Variants in DNAH17 observed in about 807,000 individuals in gnomAD.
The protein encoded by DNAH17 is dynein axonemal heavy chain 17, also known as axonemal beta dynein heavy chain 17.
Under a neutral mutation model 485.6 loss-of-function variants are expected in DNAH17, and 376 were observed. The ratio of observed to expected loss-of-function variants is 0.77; its 90% CI spans 0.71 to 0.84. The LOEUF (loss-of-function observed/expected upper bound fraction) is 0.84, where lower values mean the gene tolerates loss of function less well. Ranked by LOEUF, DNAH17 falls within the 40% of genes least tolerant of loss-of-function variation. The pLI is 0.00. For missense variants in DNAH17, 6,370 were observed against 5,839.3 expected (o/e 1.09, Z -2.96); for synonymous variants, 3,031 against 2,405.9 (o/e 1.26, Z -7.60).
At position 78,462,985 on chromosome 17, in the gene DNAH17, G is replaced by A; in HGVS notation, c.9033C>T (p.Arg3011=). The A allele has an allele frequency of 6.2e-7, 1 of 1,613,994 alleles. No homozygotes were observed. Among genetic ancestry groups the A allele is most frequent in the Non-Finnish European group, 8.5e-7 (1 of 1,179,884 alleles). The change falls in exon 57 of 81, where the codon CGC becomes CGT. Residue 3011 remains arginine, a synonymous_variant. Coordinates refer to ENST00000389840, the MANE Select transcript of DNAH17 (RefSeq NM_173628.4). ...AGGTTTTGGGTGTGGTGTAGTTGTAGCGCCTCTCAGTAGCCAGGTATACCC... is the reference window on the plus strand; with the variant it reads ...AGGTTTTGGGTGTGGTGTAGTTGTAACGCCTCTCAGTAGCCAGGTATACCC... ...MSRVYLATER[R]YNYTTPKTFL...
At chr17:78,548,188 G>A (rs970657973) in intron 16 of DNAH17, among the ~76,000 whole-genome samples, 6 of 139,488 alleles carry the variant, frequency 4.3e-5, no homozygotes, top group Non-Finnish European at 4.6e-5. Context: ...TTGTTATTTC[G>A]TAGATGTCAT....
chr17:78,543,287 G>GTATTTTTTTTTTTTTTTTTTTTTTTTTT lies in DNAH17; in HGVS notation c.2532+569_2532+570insAAAAAAAAAAAAAAAAAAAAAAAAAATA, dbSNP rs1200669389. 1.2e-4 allele frequency among the ~76,000 whole-genome samples: 17 copies of GTATTTTTTTTTTTTTTTTTTTTTTTTTT among 139,272 alleles called. 1 individual carries two copies. Among genetic ancestry groups the GTATTTTTTTTTTTTTTTTTTTTTTTTTT allele is most frequent in the African/African-American group, 4.4e-4 (16 of 36,718 alleles). 91.4% of individuals were successfully genotyped at this position (139,272 alleles called of 152,430 possible). A position where few individuals can be genotyped will look rare whatever the true frequency, so the allele number is the denominator to read the frequency against. The stretch of plus-strand genomic sequence containing the variant: ...GTGCCAACGTGCCCGGTTAATTTTT[G>GTATTTTTTTTTTTTTTTTTTTTTTTTTT]TTTTTTTTTTTTTTGAGACGGAGTC... On this transcript the variant is annotated intron_variant, in intron 17 of 80. Transcript: ENST00000389840.
At chr17:78,480,822 G>A (rs955671221) in intron 48 of DNAH17, 36 bp from the exon 49 acceptor site, 4 of 1,510,770 alleles carry the variant, frequency 2.6e-6, no homozygotes, top group Non-Finnish European at 3.7e-6. Context: ...TTGTGCCCCT[G>A]GCCTGGAGGA....
chr17:78,492,504 A>G lies in DNAH17; in HGVS notation c.6541+129T>C, dbSNP rs1212529563. The G allele has an allele frequency of 4.6e-6, 6 of 1,308,686 alleles. No individual in the cohort carries two copies. The African/African-American group carries it at 7.3e-5, about 16-fold the overall frequency. 81.1% of individuals were successfully genotyped at this position (1,308,686 alleles called of 1,614,324 possible). On this transcript the variant is annotated intron_variant, in intron 42 of 80. Coordinates refer to ENST00000389840, the MANE Select transcript of DNAH17 (RefSeq NM_173628.4). ...TTTGTTACCATGGTGCCACCATTGC[A>G]GGCCACGTGCCTGTGTGCCCCACCC... is the stretch of plus-strand genomic sequence containing the variant.
At position 78,491,352 on chromosome 17, in the gene DNAH17, A is replaced by G. The variant is rs962927759; in HGVS notation, c.6669+91T>C. 19 of 1,507,294 alleles carry G rather than the reference A, an allele frequency of 1.3e-5. No homozygotes were observed. In the African/African-American group the frequency reaches 2.1e-4, roughly 16 times the overall value. The allele number at this position is 1,507,294 out of a possible 1,614,324, so 93.4% of individuals were successfully genotyped here. ...GCCACCTGCGCCAAGCCTGGCATGC[A>G]GGGCCTGAGTGCTCCGTAGGCGCCT... On this transcript the variant is annotated intron_variant, in intron 43 of 80. Coordinates refer to ENST00000389840, the MANE Select transcript of DNAH17 (RefSeq NM_173628.4).
chr17:78,562,013 A>G (rs1265074208), intron 11 of DNAH17, 33 bp from the exon 12 acceptor site: 1 of 1,534,892 alleles, frequency 6.5e-7, no homozygotes, highest in East Asian at 2.3e-5. Context: ...CCTCTTCACC[A>G]CAGTCTCCTC....
chr17:78,506,866 T>C lies in DNAH17; in HGVS notation c.4677-20A>G, dbSNP rs750436025. Reference sequence around the variant, plus strand: ...GCCAAGCTGGGAGGAAGGAAGGAAGTAGAGGAGGCCGGTGACCCTACTCTG... The same window carrying C: ...GCCAAGCTGGGAGGAAGGAAGGAAGCAGAGGAGGCCGGTGACCCTACTCTG... On this transcript the variant is annotated intron_variant, in intron 29 of 80. Coordinates refer to ENST00000389840, the MANE Select transcript of DNAH17 (RefSeq NM_173628.4). 6.2e-7 allele frequency: 1 copy of C among 1,613,668 alleles called. No individual in the cohort carries two copies. The highest frequency in any genetic ancestry group is 8.5e-7 in the Non-Finnish European group (1 of 1,179,764).
chr17:78,461,488 G>C (rs2088124026), intron 58 of DNAH17, 56 bp downstream of exon 58: 1 of 1,447,820 alleles, frequency 6.9e-7, no homozygotes, highest in Admixed American at 2.7e-5. Flanking sequence ...GGAAGCCCAG[G>C]AGGCCTGGCC....
chr17:78,452,443 C>T (rs540931306), intron 65 of DNAH17, among the ~76,000 whole-genome samples: 4 of 152,244 alleles, frequency 2.6e-5, no homozygotes, highest in South Asian at 4.2e-4. Flanking sequence ...CCCCAAAAAA[C>T]ATGCTAAGTA....
At chr17:78,571,214 G>T in intron 5 of DNAH17, 65 bp downstream of exon 5, 1 of 1,459,054 alleles carries the variant, frequency 6.9e-7, no homozygotes, top group Non-Finnish European at 9.5e-7. Context: ...TGACAAGTCT[G>T]ACCCAGCCCT....
Position 78,444,576 on chromosome 17 carries a change from G to A in DNAH17, c.11528+28C>T, listed in dbSNP as rs780263584. ...TCCATCAGGCCTGGGCCTCGGGGGC[G>A]GGGCCCCCGGCGCGGCGGGACACTC... On this transcript the variant is annotated intron_variant, in intron 71 of 80. Transcript: ENST00000389840. The A allele has an allele frequency of 1.0e-5, 16 of 1,527,704 alleles. No individual in the cohort carries two copies. In the East Asian group the frequency reaches 1.2e-4, roughly 12 times the overall value. The allele number at this position is 1,527,704 out of a possible 1,614,324, so 94.6% of individuals were successfully genotyped here. A position where few individuals can be genotyped will look rare whatever the true frequency, so the allele number is the denominator to read the frequency against.
rs201383792 is a variant in DNAH17, at chr17:78,507,336, C to A, written c.4618G>T (p.Val1540Leu). The A allele has an allele frequency of 1.2e-6, 2 of 1,614,012 alleles. No homozygotes were observed. The highest frequency in any genetic ancestry group is 3.3e-5 in the Admixed American group (2 of 60,026). Residue 1540 changes from valine (V) to leucine (L), a missense_variant, in exon 29 of 81, where the codon GTG (valine) becomes TTG (leucine). Physicochemically the swap from Val to Leu is conservative, Grantham distance 32. Coordinates refer to ENST00000389840, the MANE Select transcript of DNAH17 (RefSeq NM_173628.4). The part of the protein sequence containing the change: ...LMEDAVKTPN[V>L]VEATSKPGLY... The stretch of plus-strand genomic sequence containing the variant: ...CCGGGTTTGCTGGTGGCTTCCACCA[C>A]GTTGGGTGTTTTCACTGCATCTTCC...
chr17:78,442,755 A>ACG (rs1482139428), intron 71 of DNAH17, among the ~76,000 whole-genome samples: 1 of 151,958 alleles, frequency 6.6e-6, no homozygotes, highest in Non-Finnish European at 1.5e-5. Context: ...GGAAGCACTT[A>ACG]CGCCATGGAA....
In DNAH17 at chr17:78,561,874, G is replaced by A. The variant is rs61747008; in HGVS notation, c.1676C>T (p.Ala559Val). Reference protein sequence around the residue: ...LELFDAELDNAKILYDAQMAA... With the variant: ...LELFDAELDNVKILYDAQMAA... Reference sequence around the variant, plus strand: ...CATCTGGGCATCGTACAAGATCTTAGCATTGTCTAGCTCAGCGTCAAACAG... The same window carrying A: ...CATCTGGGCATCGTACAAGATCTTAACATTGTCTAGCTCAGCGTCAAACAG... The change falls in exon 12 of 81, where the codon GCT (alanine) becomes GTT (valine). Residue 559 changes from alanine to valine, a missense_variant. Coordinates refer to ENST00000389840, the MANE Select transcript of DNAH17 (RefSeq NM_173628.4). 1 of 1,613,834 alleles carries A rather than the reference G, an allele frequency of 6.2e-7. No homozygotes were observed. Among genetic ancestry groups the A allele is most frequent in the Non-Finnish European group, 8.5e-7 (1 of 1,179,878 alleles).
intron 16 of DNAH17, 33 bp downstream of exon 16, chr17:78,551,502 A>G (rs765993814): frequency 3.7e-6 from 6 of 1,605,690 alleles, no homozygotes; most frequent in South Asian, 1.1e-5. Context: ...AGGCCCCCAC[A>G]AAGCCCCACT....
At chr17:78,479,711 G>GTGGC in intron 49 of DNAH17, 79 bp from the exon 50 acceptor site, 6 of 1,585,350 alleles carry the variant, frequency 3.8e-6, no homozygotes, top group Non-Finnish European at 5.1e-6. Flanking sequence ...TCGCGGGAGA[G>GTGGC]TGGCCCCTGT....
intron 19 of DNAH17, 40 bp downstream of exon 19, chr17:78,537,259 T>G: frequency 6.5e-7 from 1 of 1,529,406 alleles, no homozygotes; most frequent in South Asian, 1.2e-5. Flanking sequence ...GGGAAAGCAA[T>G]GGATGACCCT....
chr17:78,544,723 C>T (rs1446069820), intron 16 of DNAH17, among the ~76,000 whole-genome samples: 2 of 143,798 alleles, frequency 1.4e-5, no homozygotes, highest in African/African-American at 5.3e-5. Flanking sequence ...ATGGCGTGAA[C>T]CCGGGAGGCA....
At chr17:78,427,439 G>A (rs540274029) in intron 77 of DNAH17, among the ~76,000 whole-genome samples, 90 of 152,316 alleles carry the variant, frequency 5.9e-4, no homozygotes, top group African/African-American at 1.9e-3. Flanking sequence ...GAGGGATTGC[G>A]ACTTTGTCCT....
Sources: allele counts gnomAD v4.1 joint callset (sites outside exome capture counted in the v4.1 genomes callset), GRCh38; gene constraint gnomAD v4.1.1; transcripts MANE v1.5; gene names NCBI Gene and HGNC (gene_info 2026-07-23, HGNC 2026-07-21).